Variants in BMP5 observed in about 807,000 individuals in gnomAD.
The protein encoded by BMP5 is bone morphogenetic protein 5.
BMP5 carries 23 observed loss-of-function variants against 46.6 expected under a neutral mutation model. That is an observed-to-expected ratio of 0.49 (90% CI 0.35 to 0.70). The LOEUF (loss-of-function observed/expected upper bound fraction) is 0.70, where lower values mean the gene tolerates loss of function less well. Among genes scored for constraint, BMP5 ranks in the 30% least tolerant of loss-of-function variants. The pLI is 0.00. For synonymous variants in BMP5, 204 were observed against 191.9 expected (o/e 1.06, Z -0.52); for missense variants, 545 against 565.6 (o/e 0.96, Z 0.37).
Position 55,847,543 on chromosome 6 carries a change from A to G in BMP5, c.490+26833T>C, listed in dbSNP as rs150100325. On this transcript the variant is annotated intron_variant, in intron 1 of 6. Transcript: ENST00000370830. ...GTATTATTTATCAAAACTGAAAATG[A>G]TGCTTATTAAATTCCTGGGCCAAAA... Among the ~76,000 whole-genome samples the G allele has an allele frequency of 3.3e-3, 496 of 152,094 alleles. 3 individuals are homozygous for G. The highest frequency in any genetic ancestry group is 0.011 in the African/African-American group (475 of 41,548).
rs1479122573 is a variant in BMP5, at chr6:55,780,420, A to G, written c.833-6177T>C. On this transcript the variant is annotated intron_variant, in intron 3 of 6. Transcript: ENST00000370830. ...CCAATCACAAGGTCAGAAGATCGAGACCATTCTGGTTAACACAGTGAAACC... is the reference window on the plus strand; with the variant it reads ...CCAATCACAAGGTCAGAAGATCGAGGCCATTCTGGTTAACACAGTGAAACC... Among the ~76,000 whole-genome samples the G allele has an allele frequency of 8.7e-5, 12 of 137,726 alleles. No homozygotes were observed. In the Admixed American group the frequency reaches 9.7e-4, roughly 11 times the overall value. 90.4% of individuals were successfully genotyped at this position (137,726 alleles called of 152,430 possible). A position where few individuals can be genotyped will look rare whatever the true frequency, so the allele number is the denominator to read the frequency against.
chr6:55,804,590 A>G (rs1391316337), intron 2 of BMP5, among the ~76,000 whole-genome samples: 4 of 152,186 alleles, frequency 2.6e-5, no homozygotes, highest in Non-Finnish European at 5.9e-5. Flanking sequence ...ATGATCAACA[A>G]TATCAAATAC....
intron 3 of BMP5, among the ~76,000 whole-genome samples, chr6:55,784,434 A>G (rs1006380887): frequency 6.6e-6 from 1 of 151,846 alleles, no homozygotes; most frequent in Admixed American, 6.6e-5. Context: ...TCTATAATCA[A>G]TAACTATAAA....
At chr6:55,869,970 A>T (rs2127556307) in intron 1 of BMP5, among the ~76,000 whole-genome samples, 1 of 152,202 alleles carries the variant, frequency 6.6e-6, no homozygotes, top group Middle Eastern at 3.4e-3. Flanking sequence ...GGGAGTGGTA[A>T]GGAGAGGGGT....
At chr6:55,826,185 G>A (rs1273716224) in intron 1 of BMP5, among the ~76,000 whole-genome samples, 2 of 151,728 alleles carry the variant, frequency 1.3e-5, no homozygotes, top group African/African-American at 4.8e-5. Flanking sequence ...GATTCCAGAA[G>A]TCTTAAGAGC....
At position 55,837,066 on chromosome 6, in the gene BMP5, T is replaced by C. The variant is rs78259264; in HGVS notation, c.491-17219A>G. ...TTTTAAAGTAACTTTTTTTTTTTTTTCCTGAGAAAGAGTCTGCTTTTGTTT... is the reference window on the plus strand; with the variant it reads ...TTTTAAAGTAACTTTTTTTTTTTTTCCCTGAGAAAGAGTCTGCTTTTGTTT... On this transcript the variant is annotated intron_variant, in intron 1 of 6. Coordinates refer to ENST00000370830, the MANE Select transcript of BMP5 (RefSeq NM_021073.4). 4.6e-3 allele frequency among the ~76,000 whole-genome samples: 694 copies of C among 151,704 alleles called. 11 individuals carry two copies. The highest frequency in any genetic ancestry group is 0.015 in the African/African-American group (617 of 41,232).
In BMP5 at chr6:55,874,618, T is replaced by C. The variant is rs1331010765; in HGVS notation, c.248A>G (p.Asp83Gly). 3 of 1,613,634 alleles carry C rather than the reference T, an allele frequency of 1.9e-6. No individual in the cohort carries two copies. Among genetic ancestry groups the C allele is most frequent in the Non-Finnish European group, 2.5e-6 (3 of 1,179,732 alleles). Reference sequence around the variant, plus strand: ...TTCATTGGTCATGGCATTGTAGAGATCCAGCATAAAGAGAGGTGCAGAGGA... The same window carrying C: ...TTCATTGGTCATGGCATTGTAGAGACCCAGCATAAAGAGAGGTGCAGAGGA... ...QASSAPLFMLDLYNAMTNEEN... is the reference protein window; with the variant it reads ...QASSAPLFMLGLYNAMTNEEN... The change falls in exon 1 of 7, where the codon GAT (aspartate) becomes GGT (glycine). Residue 83 changes from aspartate to glycine, a missense_variant. Physicochemically the swap from Asp to Gly is moderately conservative, Grantham distance 94. Transcript: ENST00000370830.
chr6:55,840,501 T>A (rs1473090244), intron 1 of BMP5, among the ~76,000 whole-genome samples: 1 of 152,126 alleles, frequency 6.6e-6, no homozygotes. Context: ...AAATTTTGTA[T>A]AGATTTCTTT....
chr6:55,832,348 G>A (rs922251467), intron 1 of BMP5, among the ~76,000 whole-genome samples: 4 of 152,160 alleles, frequency 2.6e-5, no homozygotes, highest in African/African-American at 9.7e-5. Flanking sequence ...TCAGTTGGCT[G>A]GACTGTACTT....
intron 2 of BMP5, among the ~76,000 whole-genome samples, chr6:55,795,789 T>A (rs1466215163): frequency 6.6e-6 from 1 of 152,192 alleles, no homozygotes; most frequent in Admixed American, 6.5e-5. Flanking sequence ...ACAATTACAG[T>A]CATAGTGTTT....
chr6:55,797,773 C>A (rs973336487), intron 2 of BMP5, among the ~76,000 whole-genome samples: 2 of 151,826 alleles, frequency 1.3e-5, no homozygotes, highest in Non-Finnish European at 2.9e-5. Flanking sequence ...CCTGCCACCA[C>A]GCCCGGCTAA....
At chr6:55,844,497 A>G (rs1426216297) in intron 1 of BMP5, among the ~76,000 whole-genome samples, 3 of 151,962 alleles carry the variant, frequency 2.0e-5, no homozygotes, top group Non-Finnish European at 4.4e-5. Flanking sequence ...TTAACTTAGA[A>G]GTGATTTCCT....
rs74679059 is a variant in BMP5 at position 55,771,991 on chromosome 6, T to C, written c.1027+2058A>G. On this transcript the variant is annotated intron_variant, in intron 4 of 6. Transcript: ENST00000370830. The stretch of plus-strand genomic sequence containing the variant: ...GCCTTGTCTTTTAGACCAAATCCTA[T>C]GAGGATTTTCCCAGACTGCTTGATT... Among the ~76,000 whole-genome samples, 22 of 152,012 alleles carry C rather than the reference T, an allele frequency of 1.4e-4. No individual in the cohort carries two copies. The East Asian group carries it at 4.3e-3, about 30-fold the overall frequency.
chr6:55,768,489 T>C lies in BMP5; in HGVS notation c.1027+5560A>G, dbSNP rs188629055. Among the ~76,000 whole-genome samples the C allele has an allele frequency of 2.6e-5, 4 of 152,060 alleles. No homozygotes were observed. The East Asian group carries it at 7.7e-4, about 29-fold the overall frequency. On this transcript the variant is annotated intron_variant, in intron 4 of 6. Coordinates refer to ENST00000370830, the MANE Select transcript of BMP5 (RefSeq NM_021073.4). ...ATGAGTTTGCCCAGCTGTAGGCTAA[T>C]GTAAATGTTATGGGCATGTGTAAGG...
At chr6:55,803,904 A>G (rs551857020) in intron 2 of BMP5, among the ~76,000 whole-genome samples, 16 of 152,244 alleles carry the variant, frequency 1.1e-4, no homozygotes, top group African/African-American at 3.1e-4. Flanking sequence ...CCAATTCTGT[A>G]TCTGTTTTTC....
Position 55,874,848 on chromosome 6 carries a change from A to C in BMP5, c.18T>G (p.Phe6Leu). 1.2e-6 allele frequency: 2 copies of C among 1,613,324 alleles called. No individual in the cohort carries two copies. The highest frequency in any genetic ancestry group is 1.7e-6 in the Non-Finnish European group (2 of 1,179,550). The change falls in exon 1 of 7, where the codon TTT (phenylalanine) becomes TTG (leucine). Residue 6 changes from phenylalanine (F) to leucine (L), a missense_variant. Phe to Leu is a conservative substitution (Grantham distance 22, BLOSUM62 0). Coordinates refer to ENST00000370830, the MANE Select transcript of BMP5 (RefSeq NM_021073.4). MHLTV[F>L]LLKGIVGFLW... ...GGAAACCCACAATACCCTTAAGTAA[A>C]AATACAGTCAGATGCATTTTTGTCC...
At chr6:55,759,180 A>AAAAAAAAAC (rs1242132289) in intron 5 of BMP5, 65 bp from the exon 6 acceptor site, 2 of 789,794 alleles carry the variant, frequency 2.5e-6, no homozygotes, top group East Asian at 6.7e-5. Context: ...AAAAAAAAAA[A>AAAAAAAAAC]AAACAACAAG....
chr6:55,863,740 T>C (rs963166576), intron 1 of BMP5, among the ~76,000 whole-genome samples: 9 of 152,198 alleles, frequency 5.9e-5, no homozygotes, highest in Non-Finnish European at 1.0e-4. Flanking sequence ...AGTGACATCA[T>C]AGCCATCATA....
chr6:55,816,078 A>G (rs1417513348), intron 2 of BMP5, among the ~76,000 whole-genome samples: 1 of 152,114 alleles, frequency 6.6e-6, no homozygotes, highest in African/African-American at 2.4e-5. Flanking sequence ...GAAAACTGGT[A>G]TGCCAATCAT....
Sources: allele counts gnomAD v4.1 joint callset (sites outside exome capture counted in the v4.1 genomes callset), GRCh38; gene constraint gnomAD v4.1.1; transcripts MANE v1.5; gene names NCBI Gene and HGNC (gene_info 2026-07-23, HGNC 2026-07-21).